The following HOXC8 variants were observed in gnomAD, a reference collection of about 807,000 sequenced individuals.
The protein encoded by HOXC8 is homeobox C8, also known as homeobox protein Hox-C8.
In HOXC8, 14 loss-of-function variants were observed where a neutral mutation model predicts 25.8. The observed-to-expected ratio is 0.54, with a 90% CI of 0.36 to 0.85. The LOEUF (loss-of-function observed/expected upper bound fraction) is 0.85. Among genes scored for constraint, HOXC8 ranks in the 40% least tolerant of loss-of-function variants. The pLI, the probability that HOXC8 is intolerant of heterozygous loss-of-function variation, is 0.01. For synonymous variants in HOXC8, 144 were observed against 124.6 expected (o/e 1.16, Z -1.04); for missense variants, 316 against 308.8 (o/e 1.02, Z -0.17).
rs376723569 is a variant in HOXC8, at chr12:54,011,587, G to A, written c.*206G>A. ...CTCTTTATTTGTTTGGGGGCTGGAGGGGGGAGACGGAGAAACAGTGAAAAG... is the reference window on the plus strand; with the variant it reads ...CTCTTTATTTGTTTGGGGGCTGGAGAGGGGAGACGGAGAAACAGTGAAAAG... On this transcript the variant is annotated 3_prime_UTR_variant, in exon 2 of 2. Coordinates refer to ENST00000040584, the MANE Select transcript of HOXC8 (RefSeq NM_022658.4). 1.0e-5 allele frequency: 6 copies of A among 571,636 alleles called. No homozygotes were observed. The highest frequency in any genetic ancestry group is 1.9e-5 in the African/African-American group (1 of 51,674). 35.4% of individuals were successfully genotyped at this position (571,636 alleles called of 1,614,324 possible). A position where few individuals can be genotyped will look rare whatever the true frequency, so the allele number is the denominator to read the frequency against.
rs1216047588 is a variant in HOXC8 at position 54,009,563 on chromosome 12, G to A, written c.279G>A (p.Ala93=). 6.2e-7 allele frequency: 1 copy of A among 1,614,072 alleles called. No individual in the cohort carries two copies. Among genetic ancestry groups the A allele is most frequent in the African/African-American group, 1.3e-5 (1 of 74,924 alleles). The change falls in exon 1 of 2, where the codon GCG becomes GCA. Residue 93 remains alanine, a synonymous_variant. Transcript: ENST00000040584. This position sits in a 1 kb window ranked among gnomAD's most constrained non-coding sequence, Gnocchi z 5.0. ...GDASKFYGYE[A]LPRQSLYGAQ... is the part of the protein sequence containing the mutation. The stretch of plus-strand genomic sequence containing the variant: ...CCTCCAAATTCTATGGCTACGAGGC[G>A]CTCCCCAGACAGTCCCTTTATGGGG...
At position 54,012,217 on chromosome 12, in the gene HOXC8, G is replaced by A. The variant is rs921659334; in HGVS notation, c.*836G>A. The stretch of plus-strand genomic sequence containing the variant: ...AGTGCTCAGAAATCACCATAATCAC[G>A]AAAATAATAATAATAAATCTTTAAC... On this transcript the variant is annotated 3_prime_UTR_variant, in exon 2 of 2. Transcript: ENST00000040584. 6 of 148,888 alleles carry A rather than the reference G, an allele frequency of 4.0e-5. No individual in the cohort carries two copies. Among genetic ancestry groups the A allele is most frequent in the East Asian group, 2.0e-4 (1 of 5,046 alleles). The allele number at this position is 148,888 out of a possible 1,614,324, so 9.2% of individuals were successfully genotyped here. A position where few individuals can be genotyped will look rare whatever the true frequency, so the allele number is the denominator to read the frequency against.
In HOXC8 at chr12:54,009,709, TGA is replaced by T; in HGVS notation, c.428_429del (p.Arg143ThrfsTer28). On this transcript the variant is annotated frameshift_variant, in exon 1 of 2. Coordinates refer to ENST00000040584, the MANE Select transcript of HOXC8 (RefSeq NM_022658.4). LOFTEE classifies it high-confidence loss of function. The surrounding 1 kb of genome is among the most constrained non-coding windows in gnomAD (Gnocchi z 5.0). ...TCTCCCAGCCTCATGTTTCCATGGA[TGA>T]GACCCCACGGTGAGAAGCCTTTTCT... The T allele has an allele frequency of 6.2e-7, 1 of 1,613,768 alleles. No individual in the cohort carries two copies. The highest frequency in any genetic ancestry group is 8.5e-7 in the Non-Finnish European group (1 of 1,179,628).
chr12:54,009,587 G>C lies in HOXC8; in HGVS notation c.303G>C (p.Gly101=). 6.2e-7 allele frequency: 1 copy of C among 1,614,180 alleles called. No individual in the cohort carries two copies. The highest frequency in any genetic ancestry group is 2.2e-5 in the East Asian group (1 of 44,872). The change falls in exon 1 of 2, where the codon GGG becomes GGC. Residue 101 remains glycine (G), a synonymous_variant. Transcript: ENST00000040584. This position sits in a 1 kb window ranked among gnomAD's most constrained non-coding sequence, Gnocchi z 5.0. ...YEALPRQSLY[G]AQQEASVVQY... ...CGCTCCCCAGACAGTCCCTTTATGGGGCTCAGCAAGAGGCGAGCGTGGTGC... is the reference window on the plus strand; with the variant it reads ...CGCTCCCCAGACAGTCCCTTTATGGCGCTCAGCAAGAGGCGAGCGTGGTGC...
At chr12:54,010,700 T>A (rs538192600) in intron 1 of HOXC8, among the ~76,000 whole-genome samples, 1 of 152,378 alleles carries the variant, frequency 6.6e-6, no homozygotes, top group East Asian at 1.9e-4. Flanking sequence ...CCCTCTTCTT[T>A]ACCCCCAGCT....
Position 54,009,056 on chromosome 12 carries a change from CCCG to C in HOXC8, c.-214_-212del, listed in dbSNP as rs970553943. 363 of 157,846 alleles carry C rather than the reference CCCG, an allele frequency of 2.3e-3. No homozygotes were observed. The highest frequency in any genetic ancestry group is 8.9e-3 in the Middle Eastern group (3 of 338). The allele number at this position is 157,846 out of a possible 1,614,324, so 9.8% of individuals were successfully genotyped here. A position where few individuals can be genotyped will look rare whatever the true frequency, so the allele number is the denominator to read the frequency against. On this transcript the variant is annotated 5_prime_UTR_variant, in exon 1 of 2. Coordinates refer to ENST00000040584, the MANE Select transcript of HOXC8 (RefSeq NM_022658.4). This position sits in a 1 kb window ranked among gnomAD's most constrained non-coding sequence, Gnocchi z 5.0. ...CGCCGCCGCCGCCGCCCGCTCGCCG[CCCG>C]CCGCCGCCGCCGCCCGCGCCCCAGC...
At position 54,009,466 on chromosome 12, in the gene HOXC8, A is replaced by G; in HGVS notation, c.182A>G (p.His61Arg). Reference sequence around the variant, plus strand: ...TCGCACCACGTTCAAGACTTCTTCCACCACGGCACCTCCGGCATCTCCAAC... The same window carrying G: ...TCGCACCACGTTCAAGACTTCTTCCGCCACGGCACCTCCGGCATCTCCAAC... ...HASHHVQDFF[H>R]HGTSGISNSG... Residue 61 changes from histidine to arginine, a missense_variant, in exon 1 of 2, where the codon CAC becomes CGC. Coordinates refer to ENST00000040584, the MANE Select transcript of HOXC8 (RefSeq NM_022658.4). The surrounding 1 kb of genome is among the most constrained non-coding windows in gnomAD (Gnocchi z 5.0). The G allele has an allele frequency of 6.2e-7, 1 of 1,614,046 alleles. No homozygotes were observed. The highest frequency in any genetic ancestry group is 8.5e-7 in the Non-Finnish European group (1 of 1,179,986).
chr12:54,010,648 G>A (rs1939971956), intron 1 of HOXC8, among the ~76,000 whole-genome samples: 1 of 152,250 alleles, frequency 6.6e-6, no homozygotes, highest in Admixed American at 6.5e-5. Flanking sequence ...TATTGGAAAA[G>A]CATTAGGCAG....
At position 54,012,121 on chromosome 12, in the gene HOXC8, A is replaced by G. The variant is rs1010715882; in HGVS notation, c.*740A>G. On this transcript the variant is annotated 3_prime_UTR_variant, in exon 2 of 2. Coordinates refer to ENST00000040584, the MANE Select transcript of HOXC8 (RefSeq NM_022658.4). ...AACCATCCCATGGTCACTCGGGCCCATGCCTTCCTCTCCTTCGCTGTTTGA... is the reference window on the plus strand; with the variant it reads ...AACCATCCCATGGTCACTCGGGCCCGTGCCTTCCTCTCCTTCGCTGTTTGA... The G allele has an allele frequency of 6.6e-6, 1 of 152,148 alleles. No individual in the cohort carries two copies. Among genetic ancestry groups the G allele is most frequent in the East Asian group, 1.9e-4 (1 of 5,170 alleles). 9.4% of individuals were successfully genotyped at this position (152,148 alleles called of 1,614,324 possible).
intron 1 of HOXC8, among the ~76,000 whole-genome samples, chr12:54,010,258 C>T (rs1396847998): frequency 6.6e-6 from 1 of 152,194 alleles, no homozygotes; most frequent in Admixed American, 6.5e-5. Flanking sequence ...CACCCATAAC[C>T]TCCTCTCAGA....
At chr12:54,010,037 A>C (rs749834628) in intron 1 of HOXC8, among the ~76,000 whole-genome samples, 1 of 152,122 alleles carries the variant, frequency 6.6e-6, no homozygotes, top group Non-Finnish European at 1.5e-5. Flanking sequence ...CCCCATCTCT[A>C]AAGTCAAAGT....
At position 54,011,228 on chromosome 12, in the gene HOXC8, A is replaced by G; in HGVS notation, c.576A>G (p.Gln192=). 6.2e-7 allele frequency: 1 copy of G among 1,613,722 alleles called. No individual in the cohort carries two copies. The highest frequency in any genetic ancestry group is 1.1e-5 in the South Asian group (1 of 91,008). The change falls in exon 2 of 2, where the codon CAA becomes CAG. Residue 192 remains glutamine (Q), a synonymous_variant. Transcript: ENST00000040584. Reference sequence around the variant, plus strand: ...ATGCCCTGGGACTGACCGAGAGACAAGTGAAGATCTGGTTCCAGAACCGAA... The same window carrying G: ...ATGCCCTGGGACTGACCGAGAGACAGGTGAAGATCTGGTTCCAGAACCGAA... ...VSHALGLTER[Q]VKIWFQNRRM... is the part of the protein sequence containing the mutation.
chr12:54,009,825 G>A lies in HOXC8; in HGVS notation c.436+105G>A, dbSNP rs868425972. On this transcript the variant is annotated intron_variant, in intron 1 of 1. Transcript: ENST00000040584. The surrounding 1 kb of genome is among the most constrained non-coding windows in gnomAD (Gnocchi z 5.0). ...CCTCGCTTTTTCTCCTGGCTTTGGG[G>A]TCTCTCCCGCCCCACCCCCGTGCCT... 2.9e-6 allele frequency: 3 copies of A among 1,020,684 alleles called. No individual in the cohort carries two copies. Among genetic ancestry groups the A allele is most frequent in the Non-Finnish European group, 1.5e-6 (1 of 677,890 alleles). 63.2% of individuals were successfully genotyped at this position (1,020,684 alleles called of 1,614,324 possible). A position where few individuals can be genotyped will look rare whatever the true frequency, so the allele number is the denominator to read the frequency against.
At position 54,009,614 on chromosome 12, in the gene HOXC8, A is replaced by G. The variant is rs962632699; in HGVS notation, c.330A>G (p.Gln110=). Residue 110 remains glutamine, a synonymous_variant, in exon 1 of 2, where the codon CAA becomes CAG. Coordinates refer to ENST00000040584, the MANE Select transcript of HOXC8 (RefSeq NM_022658.4). The surrounding 1 kb of genome is among the most constrained non-coding windows in gnomAD (Gnocchi z 5.0). Reference sequence around the variant, plus strand: ...CTCAGCAAGAGGCGAGCGTGGTGCAATATCCCGACTGTAAATCCTCCGCCA... The same window carrying G: ...CTCAGCAAGAGGCGAGCGTGGTGCAGTATCCCGACTGTAAATCCTCCGCCA... ...YGAQQEASVV[Q]YPDCKSSANT... 1.9e-6 allele frequency: 3 copies of G among 1,614,222 alleles called. No homozygotes were observed. The highest frequency in any genetic ancestry group is 4.5e-5 in the East Asian group (2 of 44,878).
At position 54,009,356 on chromosome 12, in the gene HOXC8, C is replaced by A; in HGVS notation, c.72C>A (p.Tyr24Ter). ...KAGESLEPAY[Y>*]DCRFPQSVGR... ...GCGAGTCCCTGGAACCGGCCTATTA[C>A]GACTGCCGGTTCCCTCAGAGCGTGG... The change falls in exon 1 of 2, where the codon TAC (tyrosine) becomes TAA (stop). Residue 24 changes from tyrosine to a stop codon, truncating the protein, a stop_gained. Coordinates refer to ENST00000040584, the MANE Select transcript of HOXC8 (RefSeq NM_022658.4). LOFTEE classifies it high-confidence loss of function. This position sits in a 1 kb window ranked among gnomAD's most constrained non-coding sequence, Gnocchi z 5.0. The A allele has an allele frequency of 6.2e-7, 1 of 1,613,016 alleles. No homozygotes were observed. The highest frequency in any genetic ancestry group is 8.5e-7 in the Non-Finnish European group (1 of 1,179,152).
rs533513524 is a variant in HOXC8 at position 54,012,732 on chromosome 12, C to T, written c.*1351C>T. ...TGGTCCAAGTACTTTGTATTGTATA[C>T]GTGAGTCATAATAATAAAAAGAAGA... is the stretch of plus-strand genomic sequence containing the variant. On this transcript the variant is annotated 3_prime_UTR_variant, in exon 2 of 2. Transcript: ENST00000040584. Among the ~76,000 whole-genome samples the T allele has an allele frequency of 1.3e-3, 200 of 152,220 alleles. No homozygotes were observed. Among genetic ancestry groups the T allele is most frequent in the Non-Finnish European group, 2.0e-3 (133 of 68,012 alleles).
Position 54,011,545 on chromosome 12 carries a change from C to T in HOXC8, c.*164C>T. The T allele has an allele frequency of 1.1e-6, 1 of 880,226 alleles. No individual in the cohort carries two copies. 54.5% of individuals were successfully genotyped at this position (880,226 alleles called of 1,614,324 possible). A position where few individuals can be genotyped will look rare whatever the true frequency, so the allele number is the denominator to read the frequency against. On this transcript the variant is annotated 3_prime_UTR_variant, in exon 2 of 2. Transcript: ENST00000040584. The stretch of plus-strand genomic sequence containing the variant: ...GATACTTGCAGCTCTGGTTTTATTA[C>T]CTTTGGACTTCCCCCACTCTTTATT...
chr12:54,009,848 C>A lies in HOXC8; in HGVS notation c.436+128C>A. On this transcript the variant is annotated intron_variant, in intron 1 of 1. Transcript: ENST00000040584. The surrounding 1 kb of genome is among the most constrained non-coding windows in gnomAD (Gnocchi z 5.0). ...GGGTCTCTCCCGCCCCACCCCCGTG[C>A]CTGTGCCTGGGTGGTTTTCTCGAAG... The A allele has an allele frequency of 1.2e-6, 1 of 811,102 alleles. No individual in the cohort carries two copies. Among genetic ancestry groups the A allele is most frequent in the Non-Finnish European group, 2.0e-6 (1 of 510,666 alleles). The allele number at this position is 811,102 out of a possible 1,614,324, so 50.2% of individuals were successfully genotyped here.
At position 54,009,835 on chromosome 12, in the gene HOXC8, C is replaced by T. The variant is rs2136401636; in HGVS notation, c.436+115C>T. The T allele has an allele frequency of 1.1e-6, 1 of 907,644 alleles. No homozygotes were observed. The highest frequency in any genetic ancestry group is 2.5e-5 in the East Asian group (1 of 39,750). The allele number at this position is 907,644 out of a possible 1,614,324, so 56.2% of individuals were successfully genotyped here. On this transcript the variant is annotated intron_variant, in intron 1 of 1. Coordinates refer to ENST00000040584, the MANE Select transcript of HOXC8 (RefSeq NM_022658.4). The surrounding 1 kb of genome is among the most constrained non-coding windows in gnomAD (Gnocchi z 5.0). ...TCTCCTGGCTTTGGGGTCTCTCCCG[C>T]CCCACCCCCGTGCCTGTGCCTGGGT...
Sources: allele counts gnomAD v4.1 joint callset (sites outside exome capture counted in the v4.1 genomes callset), GRCh38; gene constraint gnomAD v4.1.1; non-coding constraint Gnocchi (gnomAD v3.1); transcripts MANE v1.5; gene names NCBI Gene and HGNC (gene_info 2026-07-23, HGNC 2026-07-21).